Variants in HTT observed in about 807,000 individuals in gnomAD.
The protein encoded by HTT is huntington disease protein.
In HTT, 104 loss-of-function variants were observed where a neutral mutation model predicts 362.3. The ratio of observed to expected loss-of-function variants is 0.29; its 90% CI spans 0.24 to 0.34. HTT has a LOEUF of 0.34. Among genes scored for constraint, HTT ranks in the 10% least tolerant of loss-of-function variants. The pLI is 1.00. For missense variants in HTT, 3,301 were observed against 3,928.6 expected, an observed-to-expected ratio of 0.84 and a Z score of 4.27; for synonymous variants, 1,577 against 1,548.7, an observed-to-expected ratio of 1.02 and a Z score of -0.43.
intron 64 of HTT, 33 bp from the exon 65 acceptor site, chr4:3,238,414 G>A: frequency 6.4e-7 from 1 of 1,563,320 alleles, no homozygotes; most frequent in Non-Finnish European, 8.7e-7. Flanking sequence ...GTGGGAGCTG[G>A]TGCCAGTCTC....
intron 53 of HTT, 59 bp downstream of exon 53, chr4:3,220,367 C>G: frequency 1.9e-6 from 3 of 1,550,548 alleles, no homozygotes; most frequent in Non-Finnish European, 2.7e-6. Context: ...GGAGGAAATC[C>G]AGAGCCCCCA....
At position 3,241,948 on chromosome 4, in the gene HTT, A is replaced by ATTT. The variant is rs1553922437; in HGVS notation, c.*1891_*1892insTTT. ...AATTATAACACGTAAGAAAATCACC[A>ATTT]TTCCGTATTGGTTGGGGGCTCCTGT... On this transcript the variant is annotated 3_prime_UTR_variant, in exon 67 of 67. Transcript: ENST00000355072. 1 of 152,102 alleles carries ATTT rather than the reference A, an allele frequency of 6.6e-6. No homozygotes were observed. Among genetic ancestry groups the ATTT allele is most frequent in the Non-Finnish European group, 1.5e-5 (1 of 68,030 alleles). The allele number at this position is 152,102 out of a possible 1,614,324, so 9.4% of individuals were successfully genotyped here. A position where few individuals can be genotyped will look rare whatever the true frequency, so the allele number is the denominator to read the frequency against.
intron 40 of HTT, among the ~76,000 whole-genome samples, chr4:3,194,078 G>A (rs1719139125): frequency 1.3e-5 from 2 of 152,206 alleles, no homozygotes; most frequent in South Asian, 4.1e-4. Context: ...TTTTATATAA[G>A]TAAGGTGTGT....
intron 1 of HTT, among the ~76,000 whole-genome samples, chr4:3,079,608 G>A (rs982781551): frequency 2.6e-5 from 4 of 152,170 alleles, no homozygotes; most frequent in African/African-American, 9.7e-5. Context: ...AGGTCCAAGA[G>A]GTCAAGGGAG....
chr4:3,175,206 A>G (rs1034664849), intron 33 of HTT, 99 bp downstream of exon 33: 2 of 1,138,770 alleles, frequency 1.8e-6, no homozygotes, highest in African/African-American at 1.5e-5. Flanking sequence ...TGTGGTCTGC[A>G]TGTTTCCCTC....
chr4:3,090,593 A>T (rs1713449880), intron 2 of HTT, among the ~76,000 whole-genome samples: 2 of 152,234 alleles, frequency 1.3e-5, no homozygotes, highest in African/African-American at 4.8e-5. Flanking sequence ...CAATATATCG[A>T]ACTCTAAGGA....
chr4:3,113,122 A>C (rs1167265109), intron 6 of HTT: 1 of 588,480 alleles, frequency 1.7e-6, no homozygotes, highest in Non-Finnish European at 2.1e-6. Context: ...CTGTGTTTGA[A>C]CAGTTGTAGC....
intron 40 of HTT, among the ~76,000 whole-genome samples, chr4:3,195,243 T>A (rs1323835108): frequency 6.6e-6 from 1 of 152,174 alleles, no homozygotes; most frequent in South Asian, 2.1e-4. Context: ...GATGGTGGAA[T>A]TGGGATGCGA....
chr4:3,215,320 G>C, intron 51 of HTT, 109 bp downstream of exon 51: 2 of 720,978 alleles, frequency 2.8e-6, no homozygotes, highest in Non-Finnish European at 4.7e-6. Context: ...GCGCACCGTA[G>C]CTCCGCTGTG....
intron 66 of HTT, 42 bp downstream of exon 66, chr4:3,239,020 T>A: frequency 1.3e-6 from 2 of 1,557,538 alleles, no homozygotes; most frequent in Non-Finnish European, 8.7e-7. Context: ...GTTTCCCTTG[T>A]CAACACCGAG....
intron 40 of HTT, among the ~76,000 whole-genome samples, chr4:3,199,036 G>A (rs1277615696): frequency 6.6e-6 from 1 of 152,222 alleles, no homozygotes; most frequent in Non-Finnish European, 1.5e-5. Flanking sequence ...GTTCCTGCCT[G>A]TGTAGCTGTG....
intron 20 of HTT, 47 bp downstream of exon 20, chr4:3,136,014 G>A: frequency 1.5e-6 from 2 of 1,330,266 alleles, no homozygotes; most frequent in Non-Finnish European, 2.1e-6. Flanking sequence ...TCAAGAAGGT[G>A]AAAGTGAGGC....
intron 29 of HTT, among the ~76,000 whole-genome samples, chr4:3,169,657 T>C (rs2110228476): frequency 6.6e-6 from 1 of 152,094 alleles, no homozygotes; most frequent in South Asian, 2.1e-4. Flanking sequence ...CACTGCAACC[T>C]CCACCTCCCA....
At chr4:3,156,767 C>T (rs143597899) in intron 27 of HTT, among the ~76,000 whole-genome samples, 30 of 152,282 alleles carry the variant, frequency 2.0e-4, no homozygotes, top group Admixed American at 5.2e-4. Flanking sequence ...CTGGAATTGG[C>T]CAGTGGTCCT....
At chr4:3,093,308 G>C (rs1713618097) in intron 2 of HTT, among the ~76,000 whole-genome samples, 1 of 152,148 alleles carries the variant, frequency 6.6e-6, no homozygotes, top group South Asian at 2.1e-4. Flanking sequence ...ACTCAGAAGG[G>C]TTTGCCCACC....
chr4:3,120,572 T>A lies in HTT; in HGVS notation c.1069-656T>A, dbSNP rs1296624746. On this transcript the variant is annotated intron_variant, in intron 8 of 66. Transcript: ENST00000355072. ...CTGGCATTCCCACCTGAGCACCGCC[T>A]CCTGTCAGATCAGTGGCAGCATTAG... is the stretch of plus-strand genomic sequence containing the variant. Among the ~76,000 whole-genome samples, 5 of 152,160 alleles carry A rather than the reference T, an allele frequency of 3.3e-5. No individual in the cohort carries two copies. The East Asian group carries it at 7.7e-4, about 23-fold the overall frequency.
In HTT at chr4:3,074,770, G is replaced by A; in HGVS notation, c.-56G>A. On this transcript the variant is annotated 5_prime_UTR_variant, in exon 1 of 67. Transcript: ENST00000355072. Reference sequence around the variant, plus strand: ...CCATTCATTGCCCCGGTGCTGAGCGGCGCCGCGAGTCGGCCCGAGGCCTCC... The same window carrying A: ...CCATTCATTGCCCCGGTGCTGAGCGACGCCGCGAGTCGGCCCGAGGCCTCC... 4 of 1,494,584 alleles carry A rather than the reference G, an allele frequency of 2.7e-6. No homozygotes were observed. Among genetic ancestry groups the A allele is most frequent in the Non-Finnish European group, 2.7e-6 (3 of 1,126,192 alleles). 92.6% of individuals were successfully genotyped at this position (1,494,584 alleles called of 1,614,324 possible).
At position 3,134,546 on chromosome 4, in the gene HTT, T is replaced by G. The variant is rs547663096; in HGVS notation, c.2633+6T>G. The G allele has an allele frequency of 1.2e-4, 199 of 1,610,344 alleles. No individual in the cohort carries two copies. Among genetic ancestry groups the G allele is most frequent in the Non-Finnish European group, 1.6e-4 (194 of 1,178,116 alleles). On this transcript the variant is annotated splice_donor_region_variant and intron_variant, in intron 19 of 66. Coordinates refer to ENST00000355072, the MANE Select transcript of HTT (RefSeq NM_001388492.1). ...CTTGCAGAGATTGACTTCAGGTAAG[T>G]GAGTCACATCCATTAGATTTCATGA...
intron 37 of HTT, 102 bp from the exon 38 acceptor site, chr4:3,186,495 A>T: frequency 7.7e-7 from 1 of 1,296,932 alleles, no homozygotes; most frequent in South Asian, 1.3e-5. Flanking sequence ...GGTGACGATG[A>T]GATGATTATG....
Sources: allele counts gnomAD v4.1 joint callset (sites outside exome capture counted in the v4.1 genomes callset), GRCh38; gene constraint gnomAD v4.1.1; transcripts MANE v1.5; gene names NCBI Gene and HGNC (gene_info 2026-07-23, HGNC 2026-07-21).